TNKS: variants seen among roughly 807,000 people sequenced by gnomAD.
TNKS encodes the protein tankyrase.
TNKS carries 72 observed loss-of-function variants against 135.8 expected under a neutral mutation model. The ratio of observed to expected loss-of-function variants is 0.53; its 90% CI spans 0.44 to 0.64. The LOEUF (loss-of-function observed/expected upper bound fraction) is 0.64, where lower values mean the gene tolerates loss of function less well. Among genes scored for constraint, TNKS ranks in the 30% least tolerant of loss-of-function variants. The pLI is 0.00. For synonymous variants in TNKS, 849 were observed against 649.3 expected (o/e 1.31, Z -4.68); for missense variants, 1,769 against 1,674.0 (o/e 1.06, Z -0.99).
At chr8:9,727,664 C>T (rs981628989) in intron 13 of TNKS, among the ~76,000 whole-genome samples, 2 of 152,204 alleles carry the variant, frequency 1.3e-5, no homozygotes, top group Non-Finnish European at 2.9e-5. Flanking sequence ...ACTTTGTCAC[C>T]TCTTCTTAAG....
At position 9,733,458 on chromosome 8, in the gene TNKS, A is replaced by G. The variant is rs2128818640; in HGVS notation, c.2313+14A>G. On this transcript the variant is annotated intron_variant, in intron 15 of 26. Transcript: ENST00000310430. ...CTCCTTTTAAAAGTATGTAGTTTAAAAAGTTATGAAATATAACTAATTTTA... is the reference window on the plus strand; with the variant it reads ...CTCCTTTTAAAAGTATGTAGTTTAAGAAGTTATGAAATATAACTAATTTTA... 1 of 1,598,698 alleles carries G rather than the reference A, an allele frequency of 6.3e-7. No homozygotes were observed. Among genetic ancestry groups the G allele is most frequent in the Admixed American group, 1.7e-5 (1 of 58,060 alleles).
At chr8:9,747,515 T>C (rs563912442) in intron 17 of TNKS, among the ~76,000 whole-genome samples, 66 of 152,330 alleles carry the variant, frequency 4.3e-4, no homozygotes, top group African/African-American at 1.5e-3. Context: ...GTTATGTTGC[T>C]TTTTCAAAGG....
chr8:9,559,097 C>T (rs934636193), intron 1 of TNKS, among the ~76,000 whole-genome samples: 1 of 152,286 alleles, frequency 6.6e-6, no homozygotes, highest in African/African-American at 2.4e-5. Flanking sequence ...GTGTTAAATA[C>T]TGACACAATT....
At chr8:9,695,218 CAGAT>C (rs376571038) in intron 5 of TNKS, among the ~76,000 whole-genome samples, 72 of 152,240 alleles carry the variant, frequency 4.7e-4, no homozygotes, top group African/African-American at 1.7e-3. Context: ...TCTTCCAAAG[CAGAT>C]AGCTACATTA....
intron 12 of TNKS, among the ~76,000 whole-genome samples, chr8:9,722,736 T>C (rs553732861): frequency 5.3e-5 from 8 of 152,194 alleles, no homozygotes; most frequent in Non-Finnish European, 1.0e-4. Context: ...CTGAGAATCA[T>C]TTAGTACCGA....
At chr8:9,609,449 G>T (rs754759033) in intron 2 of TNKS, among the ~76,000 whole-genome samples, 1 of 152,202 alleles carries the variant, frequency 6.6e-6, no homozygotes, top group Non-Finnish European at 1.5e-5. Flanking sequence ...CACCCTTGTT[G>T]TGTGGGGAAC....
intron 2 of TNKS, among the ~76,000 whole-genome samples, chr8:9,594,026 G>A (rs1478793766): frequency 6.6e-6 from 1 of 152,006 alleles, no homozygotes; most frequent in Non-Finnish European, 1.5e-5. Flanking sequence ...AGCTGGGACT[G>A]TAGGAACCCG....
At chr8:9,704,568 G>C in intron 5 of TNKS, 95 bp from the exon 6 acceptor site, 1 of 1,021,070 alleles carries the variant, frequency 9.8e-7, no homozygotes, top group African/African-American at 1.6e-5. Context: ...GTATTTTTGT[G>C]TCAACTTTCA....
intron 3 of TNKS, among the ~76,000 whole-genome samples, chr8:9,636,048 TA>T (rs1800497815): frequency 6.6e-6 from 1 of 152,188 alleles, no homozygotes; most frequent in Non-Finnish European, 1.5e-5. Flanking sequence ...GTATTGTTTT[TA>T]AAAAATAGGC....
At chr8:9,681,633 T>C (rs570462778) in intron 5 of TNKS, among the ~76,000 whole-genome samples, 123 of 152,272 alleles carry the variant, frequency 8.1e-4, no homozygotes, top group African/African-American at 2.8e-3. Context: ...GAAAATTGTA[T>C]GTCTGATATT....
At chr8:9,632,270 G>A (rs1347053450) in intron 3 of TNKS, among the ~76,000 whole-genome samples, 1 of 152,058 alleles carries the variant, frequency 6.6e-6, no homozygotes, top group African/African-American at 2.4e-5. Flanking sequence ...GCTTCCCTAC[G>A]ACTGTTTCTC....
At chr8:9,561,727 C>G (rs936093922) in intron 1 of TNKS, among the ~76,000 whole-genome samples, 5 of 152,110 alleles carry the variant, frequency 3.3e-5, no homozygotes, top group African/African-American at 4.8e-5. Context: ...GTATTAGAAT[C>G]TCTGGGTCTT....
At chr8:9,595,669 T>C (rs1798756238) in intron 2 of TNKS, among the ~76,000 whole-genome samples, 1 of 152,068 alleles carries the variant, frequency 6.6e-6, no homozygotes, top group South Asian at 2.1e-4. Context: ...GATGCTTAAA[T>C]TAGGTGGAAA....
chr8:9,766,527 C>G lies in TNKS; in HGVS notation c.3740+102C>G, dbSNP rs999853369. 4 of 1,141,602 alleles carry G rather than the reference C, an allele frequency of 3.5e-6. No individual in the cohort carries two copies. In the African/African-American group the frequency reaches 4.9e-5, roughly 14 times the overall value. The allele number at this position is 1,141,602 out of a possible 1,614,324, so 70.7% of individuals were successfully genotyped here. ...TTGAGATGAAGTCTTGCTCTTGTCA[C>G]CCAGGCTGGAGTGCGGTGGCACGAT... On this transcript the variant is annotated intron_variant, in intron 25 of 26. Coordinates refer to ENST00000310430, the MANE Select transcript of TNKS (RefSeq NM_003747.3).
chr8:9,606,375 G>T (rs1163213410), intron 2 of TNKS, among the ~76,000 whole-genome samples: 2 of 151,916 alleles, frequency 1.3e-5, no homozygotes, highest in Non-Finnish European at 2.9e-5. Context: ...ATAACACAAA[G>T]TAGCTAGTTT....
chr8:9,652,425 A>T (rs1422166616), intron 3 of TNKS, among the ~76,000 whole-genome samples: 2 of 152,146 alleles, frequency 1.3e-5, no homozygotes. Flanking sequence ...CCACTGTTTT[A>T]TTAATGTGGT....
chr8:9,655,118 C>T (rs1389703774), intron 3 of TNKS, among the ~76,000 whole-genome samples: 1 of 152,240 alleles, frequency 6.6e-6, no homozygotes, highest in African/African-American at 2.4e-5. Flanking sequence ...CTTGGAGGAT[C>T]CTACGCCCAT....
At chr8:9,622,074 T>A (rs753394513) in intron 3 of TNKS, among the ~76,000 whole-genome samples, 2 of 152,196 alleles carry the variant, frequency 1.3e-5, no homozygotes, top group Non-Finnish European at 2.9e-5. Context: ...GCAGGAAAAT[T>A]TAAAGTTTTA....
At chr8:9,685,782 T>A (rs1379764442) in intron 5 of TNKS, among the ~76,000 whole-genome samples, 3 of 152,192 alleles carry the variant, frequency 2.0e-5, no homozygotes, top group Admixed American at 2.0e-4. Flanking sequence ...CACGTGTTGA[T>A]TAAAAATTAA....
Sources: gnomAD v4.1 joint callset for allele counts (sites outside exome capture counted in the v4.1 genomes callset) on GRCh38, gnomAD v4.1.1 for gene constraint, MANE v1.5 for transcripts, NCBI Gene and HGNC (gene_info 2026-07-23, HGNC 2026-07-21) for gene names.